The following TUSC3 variants were observed in gnomAD, a reference collection of about 807,000 sequenced individuals.
The protein encoded by TUSC3 is dolichyl-diphosphooligosaccharide--protein glycosyltransferase subunit TUSC3.
TUSC3 carries 45 observed loss-of-function variants against 44.8 expected under a neutral mutation model. The ratio of observed to expected loss-of-function variants is 1.00; its 90% CI spans 0.79 to 1.29. TUSC3 has a LOEUF of 1.29. TUSC3 is among the 50% of genes most tolerant of loss of function. The pLI is 0.00. For missense variants in TUSC3, 519 were observed against 437.9 expected, an observed-to-expected ratio of 1.19 and a Z score of -1.65; for synonymous variants, 212 against 152.9, an observed-to-expected ratio of 1.39 and a Z score of -2.85.
chr8:15,597,526 T>A (rs929548513), intron 1 of TUSC3, among the ~76,000 whole-genome samples: 1 of 152,122 alleles, frequency 6.6e-6, no homozygotes, highest in African/African-American at 2.4e-5. Context: ...TAAATAAAAT[T>A]CTTTGCAAAT....
Position 15,533,179 on chromosome 8 carries a change from C to T in TUSC3, n.189+49696C>T, listed in dbSNP as rs764925758. The stretch of plus-strand genomic sequence containing the variant: ...TCCACGTAAGATGTGACTTGCTCCT[C>T]CTTCTGCCATAATTGTGAGGCCTCC... On this transcript the variant is annotated intron_variant and non_coding_transcript_variant, in intron 2 of 5. Transcript: ENST00000503191. Among the ~76,000 whole-genome samples the T allele has an allele frequency of 2.8e-4, 42 of 152,308 alleles. 1 individual carries two copies. Among genetic ancestry groups the T allele is most frequent in the Admixed American group, 5.9e-4 (9 of 15,300 alleles).
chr8:15,533,333 C>G (rs926332306), intron 2 of TUSC3, among the ~76,000 whole-genome samples: 1 of 152,106 alleles, frequency 6.6e-6, no homozygotes, highest in African/African-American at 2.4e-5. Context: ...TGTTGTCTAG[C>G]TAAGTAAATC....
At chr8:15,538,147 C>A (rs1341963178), upstream of TUSC3, among the ~76,000 whole-genome samples, 2 of 152,120 alleles carry the variant, frequency 1.3e-5, no homozygotes, top group South Asian at 2.1e-4. Context: ...CAGACCACAG[C>A]CATATAGGTA....
Position 15,673,854 on chromosome 8 carries a change from G to C in TUSC3, c.798+18G>C. 6.3e-7 allele frequency: 1 copy of C among 1,592,014 alleles called. No homozygotes were observed. The highest frequency in any genetic ancestry group is 8.6e-7 in the Non-Finnish European group (1 of 1,160,872). On this transcript the variant is annotated intron_variant, in intron 6 of 10. Coordinates refer to ENST00000503731, the MANE Select transcript of TUSC3 (RefSeq NM_006765.4). The stretch of plus-strand genomic sequence containing the variant: ...GACAAGTGGTAAGTGTAATTTATAA[G>C]CATGAATATTCTGAAGTTTAATCCA...
At chr8:15,736,128 C>G (rs1179402661) in intron 7 of TUSC3, among the ~76,000 whole-genome samples, 6 of 152,084 alleles carry the variant, frequency 3.9e-5, no homozygotes, top group Non-Finnish European at 7.4e-5. Flanking sequence ...TAAATACACA[C>G]ATACACGCAG....
At chr8:15,649,825 T>G (rs573739687) in intron 2 of TUSC3, among the ~76,000 whole-genome samples, 1 of 152,206 alleles carries the variant, frequency 6.6e-6, no homozygotes, top group Non-Finnish European at 1.5e-5. Flanking sequence ...TGTTAGGTTG[T>G]ACCTTTTTAT....
intron 2 of TUSC3, among the ~76,000 whole-genome samples, chr8:15,494,013 G>T (rs946129247): frequency 1.7e-4 from 26 of 152,122 alleles, no homozygotes; most frequent in African/African-American, 6.0e-4. Flanking sequence ...GGTATTATTT[G>T]CACTTCTTTC....
At chr8:15,557,547 A>G (rs1802310880) in intron 1 of TUSC3, among the ~76,000 whole-genome samples, 1 of 78,762 alleles carries the variant, frequency 1.3e-5, no homozygotes, top group Non-Finnish European at 2.9e-5. Context: ...GAAGAAAGGC[A>G]TTGGTAGCTT....
In TUSC3 at chr8:15,487,899, A is replaced by ATTT. The variant is rs11307186; in HGVS notation, n.189+4433_189+4435dup. Among the ~76,000 whole-genome samples the ATTT allele has an allele frequency of 2.9e-5, 4 of 138,370 alleles. No homozygotes were observed. The East Asian group carries it at 6.3e-4, about 22-fold the overall frequency. 90.8% of individuals were successfully genotyped at this position (138,370 alleles called of 152,430 possible). On this transcript the variant is annotated intron_variant and non_coding_transcript_variant, in intron 2 of 5. Transcript: ENST00000503191. ...TCATTACTAGAATAGTGTGCTGGCA[A>ATTT]TTTTTTTTTTTTTTTTTTTACTGAA...
intron 2 of TUSC3, among the ~76,000 whole-genome samples, chr8:15,633,521 GGTGATACTCA>G (rs1805915846): frequency 6.6e-6 from 1 of 152,184 alleles, no homozygotes; most frequent in Non-Finnish European, 1.5e-5. Flanking sequence ...GTTAAGATGA[GGTGATACTCA>G]GGCAGGGCAG....
intron 2 of TUSC3, among the ~76,000 whole-genome samples, chr8:15,635,145 G>C (rs374330827): frequency 6.6e-6 from 1 of 152,062 alleles, no homozygotes; most frequent in Non-Finnish European, 1.5e-5. Flanking sequence ...AGGAAAGGAA[G>C]CATTATGCCC....
the TUSC3 span, among the ~76,000 whole-genome samples, chr8:15,778,106 A>AAC: frequency 1.3e-5 from 2 of 149,516 alleles, no homozygotes; most frequent in Non-Finnish European, 3.0e-5. Context: ...AGGCAAAAAA[A>AAC]AAAAACAAAA....
chr8:15,832,878 C>T, the TUSC3 span, among the ~76,000 whole-genome samples: 1 of 152,096 alleles, frequency 6.6e-6, no homozygotes, highest in African/African-American at 2.4e-5. Context: ...GATCATCAAA[C>T]CAAAAATTAA....
the TUSC3 span, among the ~76,000 whole-genome samples, chr8:15,824,532 C>G: frequency 6.6e-6 from 1 of 151,540 alleles, no homozygotes; most frequent in East Asian, 2.0e-4. Flanking sequence ...ACTGCATGTT[C>G]TCACTCATAG....
intron 2 of TUSC3, among the ~76,000 whole-genome samples, chr8:15,521,445 A>G (rs892743224): frequency 4.6e-5 from 7 of 152,296 alleles, no homozygotes; most frequent in African/African-American, 1.4e-4. Context: ...TTGTAAATCT[A>G]CAACCAACCA....
At chr8:15,450,500 A>T (rs1398851653) in intron 1 of TUSC3, among the ~76,000 whole-genome samples, 2 of 152,192 alleles carry the variant, frequency 1.3e-5, no homozygotes, top group Non-Finnish European at 2.9e-5. Context: ...CCTGACCAAG[A>T]TGGTGAAACC....
intron 2 of TUSC3, among the ~76,000 whole-genome samples, chr8:15,636,789 G>A (rs4282574): frequency 0.18 from 27,558 of 152,186 alleles, 2,504 homozygotes; most frequent in South Asian, 0.26. Context: ...AGTGCCTAAA[G>A]AGTTCATTAA....
At chr8:15,486,924 C>A (rs1210285663) in intron 2 of TUSC3, among the ~76,000 whole-genome samples, 1 of 152,164 alleles carries the variant, frequency 6.6e-6, no homozygotes, top group Non-Finnish European at 1.5e-5. Flanking sequence ...TTTCTAATCA[C>A]TTAAATCTTG....
intron 1 of TUSC3, among the ~76,000 whole-genome samples, chr8:15,542,196 C>T (rs956685854): frequency 6.6e-6 from 1 of 151,862 alleles, no homozygotes; most frequent in Non-Finnish European, 1.5e-5. Flanking sequence ...GAGGGGCATC[C>T]AGGTCATAGG....
Sources: allele counts gnomAD v4.1 joint callset (sites outside exome capture counted in the v4.1 genomes callset), GRCh38; gene constraint gnomAD v4.1.1; transcripts MANE v1.5; gene names NCBI Gene and HGNC (gene_info 2026-07-23, HGNC 2026-07-21).